ITIH3: variants seen among roughly 807,000 people sequenced by gnomAD.
ITIH3 encodes inter-alpha-trypsin inhibitor heavy chain 3.
In ITIH3, 81 loss-of-function variants were observed where a neutral mutation model predicts 96.5. That is an observed-to-expected ratio of 0.84 (90% confidence interval 0.70 to 1.01). The LOEUF (loss-of-function observed/expected upper bound fraction) is 1.01, where lower values mean the gene tolerates loss of function less well. Among genes scored for constraint, ITIH3 ranks in the 50% least tolerant of loss-of-function variants. The probability of loss-of-function intolerance (pLI) is 0.00; values close to 1 mark genes in which losing one functional copy is unlikely to be tolerated. For synonymous variants in ITIH3, 422 were observed against 445.2 expected (o/e 0.95, Z 0.66); for missense variants, 1,057 against 1,139.3 (o/e 0.93, Z 1.04).
chr3:52,798,318 C>G (rs751188938), intron 6 of ITIH3, among the ~76,000 whole-genome samples: 1 of 152,218 alleles, frequency 6.6e-6, no homozygotes, highest in Non-Finnish European at 1.5e-5. Context: ...AGGTGGTTGA[C>G]TCCAGTCCCC....
intron 16 of ITIH3, 129 bp from the exon 17 acceptor site, chr3:52,805,974 G>A: frequency 6.6e-7 from 1 of 1,504,910 alleles, no homozygotes; most frequent in South Asian, 1.2e-5. Flanking sequence ...AGATTGCGGG[G>A]TGGGAGGGCA....
At chr3:52,804,123 G>C in intron 14 of ITIH3, 114 bp downstream of exon 14, 1 of 1,168,364 alleles carries the variant, frequency 8.6e-7, no homozygotes. Context: ...CTGAAGTAGG[G>C]CATCTGAAGG....
At chr3:52,803,771 C>G in intron 13 of ITIH3, 84 bp from the exon 14 acceptor site, 1 of 1,481,932 alleles carries the variant, frequency 6.7e-7, no homozygotes, top group Non-Finnish European at 9.2e-7. Flanking sequence ...TGGGGATCCC[C>G]AGCTGTGTCC....
In ITIH3 at chr3:52,799,377, C is replaced by T. The variant is rs1440264147; in HGVS notation, c.795C>T (p.Val265=). 5 of 1,593,618 alleles carry T rather than the reference C, an allele frequency of 3.1e-6. No individual in the cohort carries two copies. The African/African-American group carries it at 6.8e-5, about 22-fold the overall frequency. ...TCCCTCTCCCCACTTTCCAGATAGT[C>T]AATGGCTACTTCGTGCACTTCTTTG... The part of the protein sequence containing the change: ...NRESPGNVQI[V]NGYFVHFFAP... The change falls in exon 8 of 22, where the codon GTC becomes GTT. Residue 265 remains valine, a synonymous_variant. Transcript: ENST00000449956.
intron 12 of ITIH3, 24 bp from the exon 13 acceptor site, chr3:52,802,643 T>C: frequency 1.2e-6 from 2 of 1,613,700 alleles, no homozygotes; most frequent in Non-Finnish European, 1.7e-6. Context: ...TCCAGCCCCT[T>C]GCCTCCTTCT....
intron 4 of ITIH3, 90 bp downstream of exon 4, chr3:52,796,933 T>C (rs1699610112): frequency 4.3e-6 from 5 of 1,168,116 alleles, no homozygotes; most frequent in Admixed American, 2.5e-5. Context: ...TTATTATTGG[T>C]ATAGCAAAAT....
Position 52,802,406 on chromosome 3 carries a change from G to A in ITIH3, c.1456G>A (p.Asp486Asn). Residue 486 changes from aspartate (D) to asparagine (N), a missense_variant, in exon 12 of 22, where the codon GAC becomes AAC. Physicochemically the swap from Asp to Asn is conservative, Grantham distance 23 (BLOSUM62 1). Transcript: ENST00000449956. Reference sequence around the variant, plus strand: ...GGAGTACCCCGAGAACGCTATCCTGGACCTCACCCAGAACACTTACCAGCA... The same window carrying A: ...GGAGTACCCCGAGAACGCTATCCTGAACCTCACCCAGAACACTTACCAGCA... ...EMEYPENAIL[D>N]LTQNTYQHFY... is the part of the protein sequence containing the mutation. The A allele has an allele frequency of 6.2e-7, 1 of 1,613,974 alleles. No individual in the cohort carries two copies. The highest frequency in any genetic ancestry group is 1.1e-5 in the South Asian group (1 of 91,084).
intron 6 of ITIH3, chr3:52,798,577 T>G (rs1699686697): frequency 5.0e-6 from 1 of 198,964 alleles, no homozygotes; most frequent in Admixed American, 5.3e-5. Flanking sequence ...AAATTCCTTT[T>G]AATGGGAAGC....
chr3:52,802,915 G>A, intron 13 of ITIH3, 109 bp downstream of exon 13: 1 of 1,299,200 alleles, frequency 7.7e-7, no homozygotes, highest in Non-Finnish European at 1.1e-6. Flanking sequence ...GGCCAGCCCA[G>A]GAAGTGTCTG....
intron 18 of ITIH3, 47 bp from the exon 19 acceptor site, chr3:52,806,854 C>T (rs1700069002): frequency 6.7e-7 from 1 of 1,497,690 alleles, no homozygotes; most frequent in Admixed American, 2.0e-5. Flanking sequence ...GCAATCTGGA[C>T]TCAGAAGTTC....
At chr3:52,806,190 CT>C in intron 17 of ITIH3, 52 bp downstream of exon 17, 1 of 1,598,052 alleles carries the variant, frequency 6.3e-7, no homozygotes, top group Non-Finnish European at 8.5e-7. Flanking sequence ...GCACGTGCTC[CT>C]GCCTGTCTCG....
chr3:52,798,075 C>T, intron 6 of ITIH3, 145 bp downstream of exon 6: 1 of 614,350 alleles, frequency 1.6e-6, no homozygotes, highest in Non-Finnish European at 2.9e-6. Context: ...TATCACCTTC[C>T]TCCTTGCCCA....
intron 4 of ITIH3, 104 bp downstream of exon 4, chr3:52,796,947 C>A: frequency 1.7e-6 from 2 of 1,171,008 alleles, no homozygotes; most frequent in South Asian, 1.5e-5. Flanking sequence ...GCAAAATGTG[C>A]CCATAATTTT....
At chr3:52,804,248 G>A (rs530753016) in intron 14 of ITIH3, 3 of 560,866 alleles carry the variant, frequency 5.3e-6, no homozygotes, top group Non-Finnish European at 9.6e-6. Flanking sequence ...AGTAAAGGGG[G>A]CACACTGCCC....
chr3:52,806,435 A>T, intron 18 of ITIH3, 29 bp downstream of exon 18: 1 of 1,568,694 alleles, frequency 6.4e-7, no homozygotes, highest in Non-Finnish European at 8.7e-7. Context: ...GGCCGGGGCC[A>T]GGGGGCTCTT....
Position 52,804,951 on chromosome 3 carries a change from A to C in ITIH3, c.1873+217A>C, listed in dbSNP as rs561810651. 2.0e-5 allele frequency: 12 copies of C among 611,686 alleles called. No homozygotes were observed. In the African/African-American group the frequency reaches 2.2e-4, roughly 11 times the overall value. The allele number at this position is 611,686 out of a possible 1,614,324, so 37.9% of individuals were successfully genotyped here. A position where few individuals can be genotyped will look rare whatever the true frequency, so the allele number is the denominator to read the frequency against. On this transcript the variant is annotated intron_variant, in intron 15 of 21. Transcript: ENST00000449956. ...GGGGTGGCTTCCCTTGCCCAGGGAG[A>C]CACAATCAGTATGACAGTATCTATG...
chr3:52,797,320 C>T (rs369694219), intron 5 of ITIH3, 53 bp downstream of exon 5: 54 of 1,542,548 alleles, frequency 3.5e-5, no homozygotes, highest in Middle Eastern at 2.3e-4. Flanking sequence ...TGCAGGAACC[C>T]GCCCATGGGG....
intron 1 of ITIH3, 76 bp from the exon 2 acceptor site, chr3:52,795,527 G>T: frequency 1.3e-6 from 2 of 1,520,980 alleles, no homozygotes; most frequent in Non-Finnish European, 1.8e-6. Context: ...TCTCAGCCCA[G>T]AGCCTCCCAG....
chr3:52,805,609 C>T, intron 15 of ITIH3, 199 bp from the exon 16 acceptor site: 4 of 1,392,784 alleles, frequency 2.9e-6, no homozygotes, highest in Non-Finnish European at 3.7e-6. Context: ...AAATCACATC[C>T]CATTGCCACC....
Sources: gnomAD v4.1 joint callset for allele counts (sites outside exome capture counted in the v4.1 genomes callset) on GRCh38, gnomAD v4.1.1 for gene constraint, MANE v1.5 for transcripts, NCBI Gene and HGNC (gene_info 2026-07-23, HGNC 2026-07-21) for gene names.